The following CASZ1 variants were observed in gnomAD, a reference collection of about 807,000 sequenced individuals.
CASZ1 encodes zinc finger protein castor homolog 1.
CASZ1 carries 28 observed loss-of-function variants against 135.2 expected under a neutral mutation model. The observed-to-expected ratio is 0.21, with a 90% confidence interval of 0.15 to 0.28. CASZ1 has a LOEUF of 0.28. Ranked by LOEUF, CASZ1 falls within the 10% of genes least tolerant of loss-of-function variation. The pLI is 1.00. For missense variants in CASZ1, 2,161 were observed against 2,453.3 expected (o/e 0.88, Z 2.52); for synonymous variants, 1,068 against 1,073.4 (o/e 0.99, Z 0.10).
chr1:10,752,160 C>A (rs1415440131), intron 2 of CASZ1, among the ~76,000 whole-genome samples: 1 of 152,196 alleles, frequency 6.6e-6, no homozygotes, highest in African/African-American at 2.4e-5. Context: ...TTGCTCAGTG[C>A]CCAAAGGTCC....
At chr1:10,716,963 C>T (rs967672635) in intron 2 of CASZ1, among the ~76,000 whole-genome samples, 2 of 152,160 alleles carry the variant, frequency 1.3e-5, no homozygotes, top group African/African-American at 2.4e-5. Flanking sequence ...AAACTTCTCC[C>T]CCATCTCAAG....
At chr1:10,642,518 C>T (rs944628535) in intron 20 of CASZ1, among the ~76,000 whole-genome samples, 1 of 151,438 alleles carries the variant, frequency 6.6e-6, no homozygotes, top group East Asian at 2.0e-4. Flanking sequence ...TGCCAGGGGT[C>T]ACGTGGGCAG....
At chr1:10,713,757 T>A (rs1430651179) in intron 2 of CASZ1, among the ~76,000 whole-genome samples, 1 of 152,236 alleles carries the variant, frequency 6.6e-6, no homozygotes, top group Non-Finnish European at 1.5e-5. Flanking sequence ...ACACACGTCG[T>A]GTGGGGACAG....
intron 1 of CASZ1, among the ~76,000 whole-genome samples, chr1:10,779,136 C>T (rs1358174873): frequency 1.3e-5 from 2 of 152,086 alleles, no homozygotes; most frequent in Non-Finnish European, 2.9e-5. Flanking sequence ...GGGCCTTGTC[C>T]GAGTCTTACC....
intron 1 of CASZ1, among the ~76,000 whole-genome samples, chr1:10,780,051 G>A (rs983624635): frequency 5.3e-5 from 8 of 152,102 alleles, no homozygotes; most frequent in Admixed American, 2.0e-4. Flanking sequence ...AGAGAGACAC[G>A]GGTTCCAGCA....
Position 10,748,818 on chromosome 1 carries a change from T to C in CASZ1, c.-77+11883A>G, listed in dbSNP as rs942392576. On this transcript the variant is annotated intron_variant, in intron 2 of 20. Coordinates refer to ENST00000377022, the MANE Select transcript of CASZ1 (RefSeq NM_001079843.3). ...CCCAGCCACCCACCATGCCCTGCCA[T>C]GATGGCCAAGGCCCACGTGGCCAGA... is the stretch of plus-strand genomic sequence containing the variant. Among the ~76,000 whole-genome samples the C allele has an allele frequency of 3.9e-5, 6 of 152,214 alleles. No individual in the cohort carries two copies. In the South Asian group the frequency reaches 1.2e-3, roughly 32 times the overall value.
At chr1:10,713,239 C>A (rs973042058) in intron 2 of CASZ1, among the ~76,000 whole-genome samples, 2 of 152,226 alleles carry the variant, frequency 1.3e-5, no homozygotes, top group East Asian at 1.9e-4. Context: ...GGGATTTCAT[C>A]AAGACGGCAA....
intron 1 of CASZ1, among the ~76,000 whole-genome samples, chr1:10,772,659 C>T (rs969101390): frequency 1.3e-5 from 2 of 152,166 alleles, no homozygotes; most frequent in Admixed American, 1.3e-4. Flanking sequence ...TTAACGAGGG[C>T]AGGGTGTCCA....
At chr1:10,793,057 A>G (rs1640992919) in intron 1 of CASZ1, among the ~76,000 whole-genome samples, 1 of 152,202 alleles carries the variant, frequency 6.6e-6, no homozygotes, top group South Asian at 2.1e-4. Flanking sequence ...TAAACTATTA[A>G]TAAGTGTGAA....
At chr1:10,730,474 G>C (rs1639683201) in intron 2 of CASZ1, among the ~76,000 whole-genome samples, 1 of 152,220 alleles carries the variant, frequency 6.6e-6, no homozygotes, top group Admixed American at 6.5e-5. Flanking sequence ...TCCAATGCCT[G>C]TCTGAAGGAC....
chr1:10,782,118 A>G (rs777771501), intron 1 of CASZ1, among the ~76,000 whole-genome samples: 7 of 152,242 alleles, frequency 4.6e-5, no homozygotes, highest in Non-Finnish European at 1.0e-4. Flanking sequence ...CTACCCCTCT[A>G]TAGAGACAGG....
At position 10,717,792 on chromosome 1, in the gene CASZ1, G is replaced by A. The variant is rs981440518; in HGVS notation, c.-76-12248C>T. On this transcript the variant is annotated intron_variant, in intron 2 of 20. Coordinates refer to ENST00000377022, the MANE Select transcript of CASZ1 (RefSeq NM_001079843.3). This position sits in a 1 kb window ranked among gnomAD's most constrained non-coding sequence, Gnocchi z 4.6. ...GACCCAACTCTGGAAGCCGAAGGGA[G>A]CTATGAATAGAGACGTCCTGCACCG... Among the ~76,000 whole-genome samples, 2 of 152,200 alleles carry A rather than the reference G, an allele frequency of 1.3e-5. No individual in the cohort carries two copies. Among genetic ancestry groups the A allele is most frequent in the African/African-American group, 2.4e-5 (1 of 41,442 alleles).
chr1:10,673,266 C>G (rs1351510472), intron 4 of CASZ1, among the ~76,000 whole-genome samples: 1 of 152,086 alleles, frequency 6.6e-6, no homozygotes, highest in Non-Finnish European at 1.5e-5. Flanking sequence ...CCATTAACAT[C>G]CAACGTCCTT....
At position 10,709,831 on chromosome 1, in the gene CASZ1, GT is replaced by G. The variant is rs748129279; in HGVS notation, c.-76-4288del. Among the ~76,000 whole-genome samples the G allele has an allele frequency of 1.2e-4, 19 of 152,316 alleles. No individual in the cohort carries two copies. Among genetic ancestry groups the G allele is most frequent in the Admixed American group, 3.3e-4 (5 of 15,310 alleles). ...GGAAGCCCGGAACTTTTACACAGCA[GT>G]TAGCAGGACAATGAGGGGGCCGGCG... On this transcript the variant is annotated intron_variant, in intron 2 of 20. Coordinates refer to ENST00000377022, the MANE Select transcript of CASZ1 (RefSeq NM_001079843.3). The surrounding 1 kb of genome is among the most constrained non-coding windows in gnomAD (Gnocchi z 5.1).
At chr1:10,672,911 G>A (rs548839543) in intron 4 of CASZ1, among the ~76,000 whole-genome samples, 2 of 152,338 alleles carry the variant, frequency 1.3e-5, no homozygotes, top group East Asian at 3.9e-4. Flanking sequence ...TTTGCGATTT[G>A]GGGCATTATT....
rs1280395031 is a variant in CASZ1 at position 10,711,598 on chromosome 1, A to G, written c.-76-6054T>C. Among the ~76,000 whole-genome samples, 1 of 152,138 alleles carries G rather than the reference A, an allele frequency of 6.6e-6. No homozygotes were observed. The highest frequency in any genetic ancestry group is 1.5e-5 in the Non-Finnish European group (1 of 68,018). On this transcript the variant is annotated intron_variant, in intron 2 of 20. Coordinates refer to ENST00000377022, the MANE Select transcript of CASZ1 (RefSeq NM_001079843.3). This position sits in a 1 kb window ranked among gnomAD's most constrained non-coding sequence, Gnocchi z 4.4. ...AAAACAGGTACTCAAAAAAAAAAAA[A>G]AAAGAAAAACAAACAAAACCTTGTG...
intron 1 of CASZ1, among the ~76,000 whole-genome samples, chr1:10,772,944 A>G (rs1018893142): frequency 6.6e-6 from 1 of 151,994 alleles, no homozygotes; most frequent in African/African-American, 2.4e-5. Context: ...CCATGACCAC[A>G]TGGTGGAGGA....
chr1:10,785,135 T>TCCTCCCTCCCTTCCTCCCTC (rs1640835485), intron 1 of CASZ1, among the ~76,000 whole-genome samples: 2 of 133,972 alleles, frequency 1.5e-5, no homozygotes, highest in African/African-American at 5.7e-5. Flanking sequence ...CTTTCTTCCT[T>TCCTCCCTCCCTTCCTCCCTC]CCTTCCTCCC....
At chr1:10,681,691 T>G (rs916118860) in intron 4 of CASZ1, among the ~76,000 whole-genome samples, 2 of 152,220 alleles carry the variant, frequency 1.3e-5, no homozygotes, top group South Asian at 4.1e-4. Flanking sequence ...AAATATTGAC[T>G]GAGTGAATGC....
Sources: allele counts gnomAD v4.1 joint callset (sites outside exome capture counted in the v4.1 genomes callset), GRCh38; gene constraint gnomAD v4.1.1; non-coding constraint Gnocchi (gnomAD v3.1); transcripts MANE v1.5; gene names NCBI Gene and HGNC (gene_info 2026-07-23, HGNC 2026-07-21).